CNTN4: variants seen among roughly 807,000 people sequenced by gnomAD.
The protein encoded by CNTN4 is contactin-4.
In CNTN4, 77 loss-of-function variants were observed where a neutral mutation model predicts 122.5. The ratio of observed to expected loss-of-function variants is 0.63; its 90% CI spans 0.52 to 0.76. CNTN4 has a LOEUF of 0.76. Ranked by LOEUF, CNTN4 falls within the 30% of genes least tolerant of loss-of-function variation. The probability of loss-of-function intolerance (pLI) is 0.00; values close to 1 mark genes in which losing one functional copy is unlikely to be tolerated. For missense variants in CNTN4, 1,256 were observed against 1,259.1 expected (o/e 1.00, Z 0.04); for synonymous variants, 512 against 447.0 (o/e 1.15, Z -1.83).
chr3:2,102,518 C>T (rs1373427873), intron 2 of CNTN4, among the ~76,000 whole-genome samples: 1 of 152,044 alleles, frequency 6.6e-6, no homozygotes, highest in Non-Finnish European at 1.5e-5. Flanking sequence ...ATATTTATTT[C>T]TCGGTTGTGT....
intron 14 of CNTN4, among the ~76,000 whole-genome samples, chr3:2,992,397 T>C (rs944330119): frequency 5.9e-5 from 9 of 152,218 alleles, no homozygotes; most frequent in Non-Finnish European, 1.2e-4. Context: ...ACAGAAAGCA[T>C]AATGTTAGAC....
At chr3:2,156,588 T>G (rs1006689006) in intron 2 of CNTN4, among the ~76,000 whole-genome samples, 2 of 152,172 alleles carry the variant, frequency 1.3e-5, no homozygotes, top group Non-Finnish European at 2.9e-5. Flanking sequence ...GAAGCCCGGT[T>G]TGGAGAGGCA....
At chr3:3,015,844 ACTTTTTAT>A (rs1247331308) in intron 14 of CNTN4, among the ~76,000 whole-genome samples, 1 of 152,194 alleles carries the variant, frequency 6.6e-6, no homozygotes, top group African/African-American at 2.4e-5. Context: ...ATATTCGCTT[ACTTTTTAT>A]CAGTAGATGC....
chr3:2,753,298 C>G (rs932764760), intron 6 of CNTN4, among the ~76,000 whole-genome samples: 13 of 152,102 alleles, frequency 8.5e-5, no homozygotes, highest in Non-Finnish European at 1.8e-4. Flanking sequence ...TTGTTTACCT[C>G]CTTTGTTGTG....
intron 3 of CNTN4, among the ~76,000 whole-genome samples, chr3:2,407,583 G>T (rs908907891): frequency 6.6e-6 from 1 of 152,096 alleles, no homozygotes; most frequent in Non-Finnish European, 1.5e-5. Flanking sequence ...CTGTATTTTT[G>T]CAGTCTTAGC....
At chr3:2,654,420 A>G (rs1217915561) in intron 4 of CNTN4, among the ~76,000 whole-genome samples, 1 of 152,224 alleles carries the variant, frequency 6.6e-6, no homozygotes, top group African/African-American at 2.4e-5. Flanking sequence ...GGGTATTGAA[A>G]AAGCCCAGAC....
intron 3 of CNTN4, among the ~76,000 whole-genome samples, chr3:2,518,926 C>A (rs1390839482): frequency 6.6e-6 from 1 of 152,042 alleles, no homozygotes; most frequent in Non-Finnish European, 1.5e-5. Flanking sequence ...GTGGCAAAAC[C>A]TAAGTGCTTC....
At chr3:2,434,358 A>G (rs768257426) in intron 3 of CNTN4, among the ~76,000 whole-genome samples, 15 of 152,196 alleles carry the variant, frequency 9.9e-5, no homozygotes, top group Admixed American at 8.5e-4. Context: ...ACAAAAAAGA[A>G]AGAAAGACTC....
rs556601245 is a variant in CNTN4, at chr3:2,589,815, G to A, written c.55+18257G>A. 1.5e-3 allele frequency among the ~76,000 whole-genome samples: 233 copies of A among 152,280 alleles called. 2 individuals are homozygous for A. The highest frequency in any genetic ancestry group is 5.5e-3 in the African/African-American group (227 of 41,558). On this transcript the variant is annotated intron_variant, in intron 4 of 24. Coordinates refer to ENST00000418658, the MANE Select transcript of CNTN4 (RefSeq NM_175607.3). ...GTAGGCCTCTCTTCTGTACCGCATG[G>A]AGCTCCCTATGGCTGCTTGAGTGTC... is the stretch of plus-strand genomic sequence containing the variant.
At chr3:2,648,692 C>T (rs55785845) in intron 4 of CNTN4, among the ~76,000 whole-genome samples, 2,924 of 152,182 alleles carry the variant, frequency 0.019, 30 homozygotes, top group Middle Eastern at 0.054. Flanking sequence ...CCACCGTGGC[C>T]CCTAAGTGTT....
intron 23 of CNTN4, among the ~76,000 whole-genome samples, chr3:3,053,066 G>C (rs1701420408): frequency 6.6e-6 from 1 of 152,138 alleles, no homozygotes; most frequent in South Asian, 2.1e-4. Flanking sequence ...AGACAGTCTT[G>C]CTCTGTCACC....
chr3:3,013,917 C>T (rs116367373), intron 14 of CNTN4, among the ~76,000 whole-genome samples: 521 of 152,146 alleles, frequency 3.4e-3, no homozygotes, highest in African/African-American at 0.012. Flanking sequence ...TTTGTTATAA[C>T]CTAGGCTTGG....
intron 3 of CNTN4, among the ~76,000 whole-genome samples, chr3:2,359,749 C>T (rs1487178462): frequency 1.3e-5 from 2 of 152,114 alleles, no homozygotes; most frequent in African/African-American, 4.8e-5. Context: ...TCGTCTTAGC[C>T]AGGAAGGTCT....
At chr3:2,430,740 A>G (rs2048038147) in intron 3 of CNTN4, among the ~76,000 whole-genome samples, 1 of 152,152 alleles carries the variant, frequency 6.6e-6, no homozygotes, top group Non-Finnish European at 1.5e-5. Context: ...TTTTTGGAAA[A>G]GGCTAAGTAT....
chr3:2,975,885 A>T (rs1693372048), intron 13 of CNTN4, among the ~76,000 whole-genome samples: 1 of 152,146 alleles, frequency 6.6e-6, no homozygotes, highest in African/African-American at 2.4e-5. Context: ...ACCCCCATTC[A>T]TCCTCACAAT....
chr3:3,009,487 G>A (rs1435030291), intron 14 of CNTN4, among the ~76,000 whole-genome samples: 2 of 151,620 alleles, frequency 1.3e-5, no homozygotes, highest in African/African-American at 4.8e-5. Flanking sequence ...AGGCTGGAGT[G>A]CAGTGGCGCG....
chr3:2,890,585 A>G (rs1043961482), intron 10 of CNTN4, among the ~76,000 whole-genome samples: 2 of 152,054 alleles, frequency 1.3e-5, no homozygotes, highest in Non-Finnish European at 2.9e-5. Flanking sequence ...CAAAATGGCA[A>G]TTTTTTTCCT....
At chr3:2,754,293 CA>C (rs1015268341) in intron 6 of CNTN4, among the ~76,000 whole-genome samples, 2 of 152,156 alleles carry the variant, frequency 1.3e-5, no homozygotes, top group African/African-American at 4.8e-5. Flanking sequence ...ATCTGCAAAG[CA>C]AAAGACTTAA....
chr3:2,966,370 C>T (rs1168952696), intron 13 of CNTN4, among the ~76,000 whole-genome samples: 2 of 152,008 alleles, frequency 1.3e-5, no homozygotes, highest in African/African-American at 4.8e-5. Flanking sequence ...AAATAAAAGG[C>T]ATTCAGGCAC....
Sources: gnomAD v4.1 joint callset for allele counts (sites outside exome capture counted in the v4.1 genomes callset) on GRCh38, gnomAD v4.1.1 for gene constraint, MANE v1.5 for transcripts, NCBI Gene and HGNC (gene_info 2026-07-23, HGNC 2026-07-21) for gene names.